Variants in SAMTOR observed in about 807,000 individuals in gnomAD.
The protein encoded by SAMTOR is S-adenosylmethionine sensor upstream of mTORC1, also known as UPF0532 protein C7orf60.
At chr7:112,890,927 C>T in the SAMTOR span, among the ~76,000 whole-genome samples, 2 of 152,064 alleles carry the variant, frequency 1.3e-5, no homozygotes, top group African/African-American at 2.4e-5. Flanking sequence ...TGGACTCAAG[C>T]AATCCACCTG....
At chr7:112,884,294 A>G in the SAMTOR span, among the ~76,000 whole-genome samples, 2 of 152,168 alleles carry the variant, frequency 1.3e-5, no homozygotes, top group East Asian at 3.9e-4. Context: ...ATGTCCTCAC[A>G]TTTCAAGACA....
the SAMTOR span, chr7:112,915,327 C>A: frequency 1.2e-6 from 2 of 1,612,426 alleles, no homozygotes; most frequent in Non-Finnish European, 1.7e-6. Flanking sequence ...TTCAATACGA[C>A]CTTCGCCCTC....
the SAMTOR span, among the ~76,000 whole-genome samples, chr7:112,838,784 G>A: frequency 6.6e-6 from 1 of 151,902 alleles, no homozygotes; most frequent in Non-Finnish European, 1.5e-5. Context: ...GAATTTTAAT[G>A]TTTGTTGTTG....
At chr7:112,848,471 G>A in the SAMTOR span, among the ~76,000 whole-genome samples, 2 of 152,274 alleles carry the variant, frequency 1.3e-5, no homozygotes, top group East Asian at 3.9e-4. Flanking sequence ...GAAGACACAA[G>A]TGTAAACAGT....
the SAMTOR span, among the ~76,000 whole-genome samples, chr7:112,862,789 TG>T: frequency 6.6e-6 from 1 of 151,738 alleles, no homozygotes; most frequent in Non-Finnish European, 1.5e-5. Context: ...ATTAGCAGGG[TG>T]TGGTGGAAGA....
At chr7:112,916,098 C>T in the SAMTOR span, among the ~76,000 whole-genome samples, 1 of 152,106 alleles carries the variant, frequency 6.6e-6, no homozygotes, top group Non-Finnish European at 1.5e-5. Context: ...TCAAAAACTG[C>T]CTTGAAGGAA....
chr7:112,879,281 A>C, the SAMTOR span, among the ~76,000 whole-genome samples: 6 of 151,438 alleles, frequency 4.0e-5, no homozygotes, highest in Admixed American at 2.0e-4. Context: ...CAAAGCTATA[A>C]GAGTTAATCA....
At chr7:112,844,504 T>C in the SAMTOR span, among the ~76,000 whole-genome samples, 55 of 151,864 alleles carry the variant, frequency 3.6e-4, no homozygotes, top group East Asian at 5.8e-4. Context: ...CCATTCACAA[T>C]TGGCATAAAA....
At chr7:112,865,556 G>T in the SAMTOR span, among the ~76,000 whole-genome samples, 1 of 150,484 alleles carries the variant, frequency 6.6e-6, no homozygotes, top group African/African-American at 2.4e-5. Flanking sequence ...GATTGCAGGC[G>T]TGAGCCTCCA....
the SAMTOR span, among the ~76,000 whole-genome samples, chr7:112,872,794 A>G: frequency 1.3e-5 from 2 of 151,952 alleles, no homozygotes; most frequent in African/African-American, 4.8e-5. Flanking sequence ...TCAATGTATA[A>G]AAATCAGTAG....
the SAMTOR span, among the ~76,000 whole-genome samples, chr7:112,871,756 G>C: frequency 4.6e-5 from 7 of 152,230 alleles, no homozygotes; most frequent in East Asian, 1.4e-3. Context: ...GTTAAACAAA[G>C]ACCACTAGTT....
chr7:112,897,166 G>T, the SAMTOR span, among the ~76,000 whole-genome samples: 13 of 152,288 alleles, frequency 8.5e-5, no homozygotes, highest in African/African-American at 3.1e-4. Flanking sequence ...CTGGGATAGG[G>T]TGTGGGGACG....
At chr7:112,886,285 A>G in the SAMTOR span, among the ~76,000 whole-genome samples, 1 of 152,222 alleles carries the variant, frequency 6.6e-6, no homozygotes, top group African/African-American at 2.4e-5. Context: ...ATGTTAATAA[A>G]GAGTGAAAAA....
chr7:112,823,269 T>C, the SAMTOR span, among the ~76,000 whole-genome samples: 1 of 152,148 alleles, frequency 6.6e-6, no homozygotes, highest in South Asian at 2.1e-4. Context: ...TATTGATGTA[T>C]AAGTGACAAA....
the SAMTOR span, among the ~76,000 whole-genome samples, chr7:112,822,743 T>C: frequency 1.3e-5 from 2 of 151,950 alleles, no homozygotes; most frequent in Non-Finnish European, 2.9e-5. Context: ...AACAAACTAA[T>C]ATAAAAATGC....
chr7:112,905,846 T>C, the SAMTOR span, among the ~76,000 whole-genome samples: 43 of 152,058 alleles, frequency 2.8e-4, no homozygotes, highest in Non-Finnish European at 5.4e-4. Flanking sequence ...ACCACATACA[T>C]TACTGCAAAA....
chr7:112,892,181 C>A, the SAMTOR span, among the ~76,000 whole-genome samples: 1 of 152,174 alleles, frequency 6.6e-6, no homozygotes, highest in East Asian at 1.9e-4. Context: ...AGAAACGACT[C>A]CTCATCCATT....
chr7:112,895,889 T>C, the SAMTOR span: 2 of 466,828 alleles, frequency 4.3e-6, no homozygotes, highest in Non-Finnish European at 7.3e-6. Flanking sequence ...TTTGAGCACC[T>C]TGTAGCACTT....
At chr7:112,875,673 T>G in the SAMTOR span, among the ~76,000 whole-genome samples, 1 of 152,120 alleles carries the variant, frequency 6.6e-6, no homozygotes, top group Non-Finnish European at 1.5e-5. Context: ...CCACTTGAAC[T>G]TCAAATCATT....
Sources: gnomAD v4.1 joint callset for allele counts (sites outside exome capture counted in the v4.1 genomes callset) on GRCh38, gnomAD v4.1.1 for gene constraint, MANE v1.5 for transcripts, NCBI Gene and HGNC (gene_info 2026-07-23, HGNC 2026-07-21) for gene names.